Variants in RAD23B observed in about 807,000 individuals in gnomAD.
RAD23B encodes the protein RAD23 nucleotide excision repair protein B.
A neutral mutation model predicts 49.1 loss-of-function variants in RAD23B; 5 were observed. The ratio of observed to expected loss-of-function variants is 0.10; its 90% CI spans 0.05 to 0.21. The LOEUF (loss-of-function observed/expected upper bound fraction) is 0.21, where lower values mean the gene tolerates loss of function less well. RAD23B is among the 10% of genes least tolerant of loss of function. The probability of loss-of-function intolerance (pLI) is 1.00; values close to 1 mark genes in which losing one functional copy is unlikely to be tolerated. For missense variants in RAD23B, 356 were observed against 486.7 expected (o/e 0.73, Z 2.53); for synonymous variants, 184 against 165.4 (o/e 1.11, Z -0.86).
At chr9:107,322,227 A>C in intron 7 of RAD23B, 109 bp downstream of exon 7, 4 of 1,320,532 alleles carry the variant, frequency 3.0e-6, no homozygotes, top group Non-Finnish European at 3.0e-6. Flanking sequence ...GCAGTCGAAT[A>C]ATTCGTTAAG....
chr9:107,294,808 G>A lies in RAD23B; in HGVS notation c.67-5333G>A, dbSNP rs376070279. ...GACATCTGCATGGTTATTGAAACTA[G>A]GAGTAGACACGATGGATTATCCTGG... On this transcript the variant is annotated intron_variant, in intron 1 of 9. Transcript: ENST00000358015. Among the ~76,000 whole-genome samples the A allele has an allele frequency of 4.6e-5, 7 of 152,292 alleles. No homozygotes were observed. In the East Asian group the frequency reaches 1.2e-3, roughly 25 times the overall value.
At chr9:107,291,973 T>G (rs1314646971) in intron 1 of RAD23B, among the ~76,000 whole-genome samples, 1 of 152,204 alleles carries the variant, frequency 6.6e-6, no homozygotes, top group Admixed American at 6.5e-5. Context: ...TTCAGGCTCA[T>G]TATAGTAAAT....
chr9:107,302,263 G>A, intron 3 of RAD23B, 149 bp downstream of exon 3: 1 of 1,089,102 alleles, frequency 9.2e-7, no homozygotes, highest in Non-Finnish European at 1.2e-6. Flanking sequence ...TTTACCTTAA[G>A]TGAAACATAA....
rs1027081264 is a variant in RAD23B at position 107,331,834 on chromosome 9, G to A, written c.*2178G>A. 47 of 630,984 alleles carry A rather than the reference G, an allele frequency of 7.4e-5. No homozygotes were observed. The Middle Eastern group carries it at 2.0e-3, about 27-fold the overall frequency. The allele number at this position is 630,984 out of a possible 1,614,324, so 39.1% of individuals were successfully genotyped here. A position where few individuals can be genotyped will look rare whatever the true frequency, so the allele number is the denominator to read the frequency against. On this transcript the variant is annotated 3_prime_UTR_variant, in exon 10 of 10. Coordinates refer to ENST00000358015, the MANE Select transcript of RAD23B (RefSeq NM_002874.5). ...TTTTGATCGTTCCATACAGTACCTT[G>A]TTTATCTGCTTCTTAAAGAATCAGC...
At chr9:107,285,312 G>A (rs576376279) in intron 1 of RAD23B, among the ~76,000 whole-genome samples, 1 of 152,326 alleles carries the variant, frequency 6.6e-6, no homozygotes, top group Admixed American at 6.5e-5. Context: ...GATGATTTCA[G>A]ACAAACTACG....
intron 1 of RAD23B, among the ~76,000 whole-genome samples, chr9:107,290,599 T>A (rs1833364290): frequency 1.3e-5 from 2 of 152,340 alleles, no homozygotes; most frequent in South Asian, 4.1e-4. Context: ...GTCTTTCTCC[T>A]CTTTATTAAA....
chr9:107,299,491 C>G lies in RAD23B; in HGVS notation c.67-650C>G, dbSNP rs190080479. On this transcript the variant is annotated intron_variant, in intron 1 of 9. Transcript: ENST00000358015. Reference sequence around the variant, plus strand: ...ACTATAAAGGTCATGGATTCCAGCTCCTCTTACAGATGAATGAAGCTGATG... The same window carrying G: ...ACTATAAAGGTCATGGATTCCAGCTGCTCTTACAGATGAATGAAGCTGATG... Among the ~76,000 whole-genome samples the G allele has an allele frequency of 2.3e-3, 348 of 152,286 alleles. 3 individuals carry two copies. The highest frequency in any genetic ancestry group is 1.0e-3 in the Non-Finnish European group (71 of 68,028).
chr9:107,313,249 G>A (rs563195242), intron 5 of RAD23B, among the ~76,000 whole-genome samples: 23 of 144,450 alleles, frequency 1.6e-4, no homozygotes, highest in East Asian at 2.0e-4. Flanking sequence ...TTTTCCTTTC[G>A]TAGTCTCACT....
chr9:107,294,034 A>G (rs1833438359), intron 1 of RAD23B, among the ~76,000 whole-genome samples: 3 of 152,194 alleles, frequency 2.0e-5, no homozygotes, highest in Non-Finnish European at 4.4e-5. Context: ...GGAAATGACT[A>G]CTTTTAATGG....
chr9:107,284,551 A>G (rs574628398), intron 1 of RAD23B: 3 of 199,688 alleles, frequency 1.5e-5, no homozygotes, highest in Admixed American at 6.3e-5. Flanking sequence ...TAAACATTTC[A>G]GAAGTCCACA....
intron 5 of RAD23B, among the ~76,000 whole-genome samples, chr9:107,313,452 C>T (rs1564248546): frequency 6.6e-6 from 1 of 152,186 alleles, no homozygotes; most frequent in Admixed American, 6.5e-5. Flanking sequence ...GTCTCAATCT[C>T]CTGACCTTGT....
intron 1 of RAD23B, chr9:107,284,131 C>G: frequency 2.0e-6 from 2 of 993,060 alleles, no homozygotes; most frequent in Non-Finnish European, 2.4e-6. Flanking sequence ...AGTTGGTAAC[C>G]CGAGAAGATG....
chr9:107,302,084 G>T lies in RAD23B; in HGVS notation c.198G>T (p.Glu66Asp). The T allele has an allele frequency of 6.2e-7, 1 of 1,613,098 alleles. No homozygotes were observed. The highest frequency in any genetic ancestry group is 8.5e-7 in the Non-Finnish European group (1 of 1,179,714). The change falls in exon 3 of 10, where the codon GAG (glutamate) becomes GAT (aspartate). Residue 66 changes from glutamate to aspartate, a missense_variant. Transcript: ENST00000358015. Reference protein sequence around the residue: ...DTALKEYKIDEKNFVVVMVTK... With the variant: ...DTALKEYKIDDKNFVVVMVTK... ...CTCTCAAAGAATATAAAATTGATGA[G>T]AAAAACTTTGTGGTGGTTATGGTGA...
chr9:107,319,076 G>A (rs1485854765), intron 6 of RAD23B, among the ~76,000 whole-genome samples, 197 bp downstream of exon 6: 1 of 148,378 alleles, frequency 6.7e-6, no homozygotes, highest in Non-Finnish European at 1.5e-5. Flanking sequence ...CATTGTAGTA[G>A]CTTTTTAGGT....
Position 107,324,839 on chromosome 9 carries a change from T to C in RAD23B, c.951T>C (p.Ile317=). Reference sequence around the variant, plus strand: ...TGTCCTTCATATCACCACAGCAAATTAGCCAACACCAGGAGCATTTTATTC... The same window carrying C: ...TGTCCTTCATATCACCACAGCAAATCAGCCAACACCAGGAGCATTTTATTC... ...GRENPQLLQQ[I]SQHQEHFIQM... The change falls in exon 9 of 10, where the codon ATT becomes ATC. Residue 317 remains isoleucine (I), a synonymous_variant. Transcript: ENST00000358015. 1 of 1,603,508 alleles carries C rather than the reference T, an allele frequency of 6.2e-7. No homozygotes were observed. The highest frequency in any genetic ancestry group is 1.1e-5 in the South Asian group (1 of 89,746).
At chr9:107,319,372 C>T (rs11573691) in intron 6 of RAD23B, among the ~76,000 whole-genome samples, 8,978 of 151,978 alleles carry the variant, frequency 0.059, 378 homozygotes, top group South Asian at 0.12. Flanking sequence ...CCTCGTGATC[C>T]GCCCGCCTCA....
intron 4 of RAD23B, among the ~76,000 whole-genome samples, chr9:107,310,954 G>T (rs967453885): frequency 1.3e-5 from 2 of 152,184 alleles, no homozygotes; most frequent in African/African-American, 2.4e-5. Context: ...TGAGATACAG[G>T]TCTAAGTGTG....
chr9:107,297,822 A>G (rs1480243286), intron 1 of RAD23B, among the ~76,000 whole-genome samples: 2 of 152,032 alleles, frequency 1.3e-5, no homozygotes, highest in East Asian at 3.9e-4. Flanking sequence ...GCGTTTTGAA[A>G]TATGAAATAT....
intron 1 of RAD23B, among the ~76,000 whole-genome samples, chr9:107,291,481 G>C (rs1004627001): frequency 2.6e-5 from 4 of 152,106 alleles, no homozygotes; most frequent in Non-Finnish European, 5.9e-5. Context: ...TTGTTATAGT[G>C]CCTGCCTCTT....
Sources: allele counts gnomAD v4.1 joint callset (sites outside exome capture counted in the v4.1 genomes callset), GRCh38; gene constraint gnomAD v4.1.1; transcripts MANE v1.5; gene names NCBI Gene and HGNC (gene_info 2026-07-23, HGNC 2026-07-21).